Variants in AGL observed in about 807,000 individuals in gnomAD.
AGL encodes the protein glycogen debranching enzyme.
A neutral mutation model predicts 199.3 loss-of-function variants in AGL; 128 were observed. That is an observed-to-expected ratio of 0.64 (90% CI 0.56 to 0.74). AGL has a LOEUF of 0.74. AGL is among the 30% of genes least tolerant of loss of function. The pLI, the probability that AGL is intolerant of heterozygous loss-of-function variation, is 0.00. For missense variants in AGL, 1,809 were observed against 1,820.8 expected (o/e 0.99, Z 0.12); for synonymous variants, 584 against 594.7 (o/e 0.98, Z 0.26).
rs1655586017 is a variant in AGL, at chr1:99,922,593, A to C, written c.*942A>C. ...TCAGTAGATATCTTAAATTCAATAA[A>C]ATCACTGGAAGTTTTTCATGATAAC... is the stretch of plus-strand genomic sequence containing the variant. On this transcript the variant is annotated 3_prime_UTR_variant, in exon 34 of 34. Transcript: ENST00000361915. 1 of 151,802 alleles carries C rather than the reference A, an allele frequency of 6.6e-6. No individual in the cohort carries two copies. The highest frequency in any genetic ancestry group is 2.1e-4 in the South Asian group (1 of 4,810). The allele number at this position is 151,802 out of a possible 1,614,324, so 9.4% of individuals were successfully genotyped here.
chr1:99,854,089 G>T (rs1487741883), intron 2 of AGL, among the ~76,000 whole-genome samples: 1 of 152,084 alleles, frequency 6.6e-6, no homozygotes, highest in African/African-American at 2.4e-5. Context: ...AGCTACCTGG[G>T]AGGCTGAGGC....
intron 25 of AGL, among the ~76,000 whole-genome samples, chr1:99,898,806 G>A (rs920070024): frequency 2.6e-5 from 4 of 152,098 alleles, no homozygotes; most frequent in East Asian, 1.9e-4. Context: ...ACAACCAACT[G>A]TAAGATTGGT....
chr1:99,900,830 A>G lies in AGL; in HGVS notation c.3557A>G (p.Asp1186Gly). 6.2e-6 allele frequency: 10 copies of G among 1,612,860 alleles called. No individual in the cohort carries two copies. Among genetic ancestry groups the G allele is most frequent in the Non-Finnish European group, 7.6e-6 (9 of 1,179,302 alleles). ...CCAGTTTCCAGAATGTATCCTACAG[A>G]TGATTCTGCTCCTTTGCCTGCTGGC... The part of the protein sequence containing the change: ...KCPVSRMYPT[D>G]DSAPLPAGTL... The change falls in exon 26 of 34, where the codon GAT becomes GGT. Residue 1186 changes from aspartate to glycine, a missense_variant. Transcript: ENST00000361915.
chr1:99,861,843 A>G (rs1271017448), intron 3 of AGL, 130 bp downstream of exon 3: 1 of 1,059,254 alleles, frequency 9.4e-7, no homozygotes, highest in Admixed American at 1.9e-5. Flanking sequence ...AGATGCAAAT[A>G]GAATATTCTT....
chr1:99,898,238 G>A (rs1653498335), intron 25 of AGL, among the ~76,000 whole-genome samples: 3 of 152,046 alleles, frequency 2.0e-5, no homozygotes, highest in South Asian at 2.1e-4. Context: ...AGTAGAGACC[G>A]GGTTTCACCA....
chr1:99,866,423 T>C (rs1650517183), intron 5 of AGL, among the ~76,000 whole-genome samples: 1 of 152,232 alleles, frequency 6.6e-6, no homozygotes, highest in South Asian at 2.1e-4. Context: ...TAGTCAGATA[T>C]GGCTATTCCA....
rs919030085 is a variant in AGL at position 99,923,010 on chromosome 1, A to G, written c.*1359A>G. 3.3e-5 allele frequency: 5 copies of G among 152,126 alleles called. No individual in the cohort carries two copies. The highest frequency in any genetic ancestry group is 7.4e-5 in the Non-Finnish European group (5 of 67,982). The allele number at this position is 152,126 out of a possible 1,614,324, so 9.4% of individuals were successfully genotyped here. Reference sequence around the variant, plus strand: ...AAATATATAAATGCTTCAGATGTCAAATACCCATGCTTGAAAGCTCGTGTA... The same window carrying G: ...AAATATATAAATGCTTCAGATGTCAGATACCCATGCTTGAAAGCTCGTGTA... On this transcript the variant is annotated 3_prime_UTR_variant, in exon 34 of 34. Transcript: ENST00000361915.
At chr1:99,855,516 T>G (rs1649347748) in intron 2 of AGL, among the ~76,000 whole-genome samples, 1 of 152,038 alleles carries the variant, frequency 6.6e-6, no homozygotes, top group Non-Finnish European at 1.5e-5. Context: ...ATGAATAAAA[T>G]CAGGCCGAGC....
intron 27 of AGL, among the ~76,000 whole-genome samples, chr1:99,903,381 C>T (rs1043201637): frequency 3.3e-5 from 5 of 151,970 alleles, no homozygotes; most frequent in Non-Finnish European, 4.4e-5. Flanking sequence ...TGAGAACATG[C>T]GGTGTCTGGA....
chr1:99,869,247 A>T (rs1650783375), intron 5 of AGL, among the ~76,000 whole-genome samples: 1 of 152,210 alleles, frequency 6.6e-6, no homozygotes, highest in Non-Finnish European at 1.5e-5. Context: ...GAACTACTTA[A>T]TGCAAGTTTT....
At chr1:99,906,103 T>C (rs1480382726) in intron 27 of AGL, among the ~76,000 whole-genome samples, 1 of 152,194 alleles carries the variant, frequency 6.6e-6, no homozygotes, top group Non-Finnish European at 1.5e-5. Flanking sequence ...TCCAGAACTT[T>C]GTCATCATTC....
At chr1:99,850,907 C>T (rs1455369687) in intron 1 of AGL, 68 bp from the exon 2 acceptor site, 16 of 775,660 alleles carry the variant, frequency 2.1e-5, no homozygotes, top group South Asian at 1.7e-4. Flanking sequence ...ATGTAAGTGC[C>T]GCTGTCAGCT....
In AGL at chr1:99,861,521, G is replaced by T. The variant is rs746265668; in HGVS notation, c.101G>T (p.Arg34Leu). Residue 34 changes from arginine (R) to leucine (L), a missense_variant, in exon 3 of 34, where the codon CGA becomes CTA. By Grantham distance (102) the Arg-to-Leu change is moderately radical (BLOSUM62 -2). Coordinates refer to ENST00000361915, the MANE Select transcript of AGL (RefSeq NM_000642.3). ...TATTTAGGGTATGAGCTACAGTTCC[G>T]ATTAGGCCCAACTTTACAGGGAAAA... ...RLEQGYELQF[R>L]LGPTLQGKAV... 2 of 1,613,840 alleles carry T rather than the reference G, an allele frequency of 1.2e-6. No homozygotes were observed. The highest frequency in any genetic ancestry group is 2.2e-5 in the East Asian group (1 of 44,830).
intron 2 of AGL, among the ~76,000 whole-genome samples, chr1:99,854,695 C>T (rs1011036259): frequency 1.3e-5 from 2 of 149,368 alleles, no homozygotes; most frequent in Non-Finnish European, 3.0e-5. Flanking sequence ...ACCCAGGAGG[C>T]GGAGCTTGCA....
intron 33 of AGL, among the ~76,000 whole-genome samples, chr1:99,919,462 A>G (rs1655364898): frequency 6.6e-6 from 1 of 152,104 alleles, no homozygotes; most frequent in South Asian, 2.1e-4. Context: ...GCAATTCTCT[A>G]AGGATCCCTT....
chr1:99,874,977 G>A (rs1266750691), intron 8 of AGL, among the ~76,000 whole-genome samples, 167 bp downstream of exon 8: 1 of 152,108 alleles, frequency 6.6e-6, no homozygotes, highest in Non-Finnish European at 1.5e-5. Flanking sequence ...TTTTCTGTGT[G>A]TGGGCCATGT....
Position 99,884,124 on chromosome 1 carries a change from A to G in AGL, c.2313A>G (p.Lys771=), listed in dbSNP as rs770706756. The G allele has an allele frequency of 1.2e-6, 2 of 1,611,384 alleles. No homozygotes were observed. Among genetic ancestry groups the G allele is most frequent in the Non-Finnish European group, 1.7e-6 (2 of 1,178,032 alleles). ...KEVPQMCIPG[K]IEEVVLEART... ...AATGTTTTTATGTATTCCTAGGCAA[A>G]ATTGAAGAAGTAGTTCTTGAAGCTA... Residue 771 remains lysine (K), a synonymous_variant, in exon 18 of 34, where the codon AAA becomes AAG. Transcript: ENST00000361915.
Position 99,913,694 on chromosome 1 carries a change from T to A in AGL, c.4117T>A (p.Cys1373Ser). 1 of 1,614,130 alleles carries A rather than the reference T, an allele frequency of 6.2e-7. No homozygotes were observed. Among genetic ancestry groups the A allele is most frequent in the Non-Finnish European group, 8.5e-7 (1 of 1,179,994 alleles). Residue 1373 changes from cysteine to serine, a missense_variant, in exon 30 of 34, where the codon TGT becomes AGT. By Grantham distance (112) the Cys-to-Ser change is moderately radical (BLOSUM62 -1). Transcript: ENST00000361915. ...KDSYGASSPW[C>S]DYQLRPNFTI... ...TAGTTATGGAGCTTCAAGTCCTTGGTGTGACTATCAGCTCAGGCCTAATTT... is the reference window on the plus strand; with the variant it reads ...TAGTTATGGAGCTTCAAGTCCTTGGAGTGACTATCAGCTCAGGCCTAATTT...
At position 99,854,761 on chromosome 1, in the gene AGL, C is replaced by A. The variant is rs549713161; in HGVS notation, c.82+3637C>A. ...CCTGGGTGACAGAGCAAGATGCCGT[C>A]TCAAAAAAAAAAAAAAAGATAATTT... is the stretch of plus-strand genomic sequence containing the variant. On this transcript the variant is annotated intron_variant, in intron 2 of 33. Coordinates refer to ENST00000361915, the MANE Select transcript of AGL (RefSeq NM_000642.3). Among the ~76,000 whole-genome samples, 9 of 136,128 alleles carry A rather than the reference C, an allele frequency of 6.6e-5. No homozygotes were observed. In the South Asian group the frequency reaches 9.0e-4, roughly 14 times the overall value. The allele number at this position is 136,128 out of a possible 152,430, so 89.3% of individuals were successfully genotyped here.
Sources: allele counts gnomAD v4.1 joint callset (sites outside exome capture counted in the v4.1 genomes callset), GRCh38; gene constraint gnomAD v4.1.1; transcripts MANE v1.5; gene names NCBI Gene and HGNC (gene_info 2026-07-23, HGNC 2026-07-21).